Variants in MXD1 observed in about 807,000 individuals in gnomAD.
MXD1 encodes MAX dimerization protein 1.
A neutral mutation model predicts 25.7 loss-of-function variants in MXD1; 9 were observed. The ratio of observed to expected loss-of-function variants is 0.35; its 90% CI spans 0.21 to 0.61. The LOEUF is 0.61. Among genes scored for constraint, MXD1 ranks in the 20% least tolerant of loss-of-function variants. MXD1 has a pLI of 0.75. For missense variants in MXD1, 227 were observed against 292.4 expected (o/e 0.78, Z 1.63); for synonymous variants, 99 against 113.9 (o/e 0.87, Z 0.83).
intron 2 of MXD1, among the ~76,000 whole-genome samples, chr2:69,919,983 A>T (rs938487870): frequency 1.5e-4 from 23 of 150,498 alleles, no homozygotes; most frequent in Non-Finnish European, 2.7e-4. Context: ...ACCATTTTAA[A>T]GTTTTGTTTT....
At chr2:69,920,831 C>T (rs1406532687) in intron 2 of MXD1, among the ~76,000 whole-genome samples, 1 of 152,126 alleles carries the variant, frequency 6.6e-6, no homozygotes, top group Non-Finnish European at 1.5e-5. Flanking sequence ...ACTAAAGGGG[C>T]CACATTGACT....
chr2:69,935,040 C>T (rs1677388303), intron 3 of MXD1, among the ~76,000 whole-genome samples: 2 of 152,158 alleles, frequency 1.3e-5, no homozygotes, highest in East Asian at 1.9e-4. Context: ...TAAGTTGAAC[C>T]ATCATGAGTC....
chr2:69,936,295 A>T (rs1292865961), intron 4 of MXD1, among the ~76,000 whole-genome samples: 1 of 151,916 alleles, frequency 6.6e-6, no homozygotes, highest in Non-Finnish European at 1.5e-5. Flanking sequence ...GGTTTGTGTG[A>T]CCATTGTGTT....
At chr2:69,922,913 A>C (rs1677094201) in intron 3 of MXD1, among the ~76,000 whole-genome samples, 1 of 151,106 alleles carries the variant, frequency 6.6e-6, no homozygotes, top group South Asian at 2.1e-4. Context: ...TGACTAATGT[A>C]ATCAACTCCT....
At chr2:69,935,314 G>A in intron 3 of MXD1, 37 bp from the exon 4 acceptor site, 1 of 1,505,276 alleles carries the variant, frequency 6.6e-7, no homozygotes, top group African/African-American at 1.4e-5. Flanking sequence ...GGCCCACTGT[G>A]AAACTCTCAA....
chr2:69,925,615 C>T (rs1475764032), intron 3 of MXD1, among the ~76,000 whole-genome samples: 1 of 152,074 alleles, frequency 6.6e-6, no homozygotes, highest in Non-Finnish European at 1.5e-5. Flanking sequence ...CAGTTATAAA[C>T]ATTTTCCAAT....
intron 3 of MXD1, among the ~76,000 whole-genome samples, chr2:69,925,325 AT>A (rs1214622405): frequency 1.4e-4 from 21 of 152,118 alleles, no homozygotes; most frequent in African/African-American, 4.8e-4. Context: ...AATATAGAAA[AT>A]AATACTAAAA....
intron 5 of MXD1, 60 bp downstream of exon 5, chr2:69,937,454 TTCAGTAC>T: frequency 1.0e-6 from 1 of 962,562 alleles, no homozygotes; most frequent in Non-Finnish European, 1.5e-6. Flanking sequence ...AGAGCAGGGG[TTCAGTAC>T]TGCGGACAGG....
At position 69,940,907 on chromosome 2, in the gene MXD1, GATTCGCCA is replaced by G. The variant is rs1372943168; in HGVS notation, c.*2627_*2634del. ...CCCCGTGCGGCTGATCGGCAGCCCTGATTCGCCAATTTGTCCTCTCTCATTCACTGATC... is the reference window on the plus strand; with the variant it reads ...CCCCGTGCGGCTGATCGGCAGCCCTGATTTGTCCTCTCTCATTCACTGATC... On this transcript the variant is annotated 3_prime_UTR_variant, in exon 6 of 6. Coordinates refer to ENST00000264444, the MANE Select transcript of MXD1 (RefSeq NM_002357.4). The G allele has an allele frequency of 6.5e-6, 1 of 152,680 alleles. No individual in the cohort carries two copies. Among genetic ancestry groups the G allele is most frequent in the Non-Finnish European group, 1.5e-5 (1 of 68,070 alleles). 9.5% of individuals were successfully genotyped at this position (152,680 alleles called of 1,614,324 possible).
At chr2:69,932,605 G>T (rs954454674) in intron 3 of MXD1, among the ~76,000 whole-genome samples, 2 of 152,194 alleles carry the variant, frequency 1.3e-5, no homozygotes, top group African/African-American at 2.4e-5. Context: ...GTCTCAGCTG[G>T]AATTAGTCAA....
chr2:69,932,470 C>A (rs981847837), intron 3 of MXD1, among the ~76,000 whole-genome samples: 2 of 152,124 alleles, frequency 1.3e-5, no homozygotes, highest in Non-Finnish European at 2.9e-5. Context: ...AGTGAGGCGC[C>A]GGAGAAGGCC....
At chr2:69,929,056 G>A (rs1050281616) in intron 3 of MXD1, among the ~76,000 whole-genome samples, 2 of 152,124 alleles carry the variant, frequency 1.3e-5, no homozygotes, top group Non-Finnish European at 2.9e-5. Context: ...ACCGCACCTG[G>A]CTAATTTTTG....
chr2:69,921,659 A>T, intron 2 of MXD1, 77 bp from the exon 3 acceptor site: 1 of 1,349,358 alleles, frequency 7.4e-7, no homozygotes, highest in Non-Finnish European at 1.0e-6. Context: ...GAAAGAAGTT[A>T]AAAGAATTGT....
intron 5 of MXD1, among the ~76,000 whole-genome samples, chr2:69,937,638 G>T (rs932997542): frequency 1.3e-5 from 2 of 152,070 alleles, no homozygotes; most frequent in Non-Finnish European, 2.9e-5. Flanking sequence ...GTTTTGAGAC[G>T]GAATCTTGCT....
At chr2:69,937,816 A>G (rs974501811) in intron 5 of MXD1, among the ~76,000 whole-genome samples, 1 of 152,064 alleles carries the variant, frequency 6.6e-6, no homozygotes, top group Non-Finnish European at 1.5e-5. Flanking sequence ...GTTTCACCAT[A>G]TTGGCCAGGC....
Position 69,937,219 on chromosome 2 carries a change from C to T in MXD1, c.319-16C>T, listed in dbSNP as rs78530800. ...ATCTCCCTGTGGGGCCCAACAACTA[C>T]CCCTTTGACTTGCAGAAACTTGAAG... On this transcript the variant is annotated splice_polypyrimidine_tract_variant and intron_variant, in intron 4 of 5. Coordinates refer to ENST00000264444, the MANE Select transcript of MXD1 (RefSeq NM_002357.4). 6.4e-5 allele frequency: 103 copies of T among 1,611,960 alleles called. No individual in the cohort carries two copies. The African/African-American group carries it at 1.3e-3, about 20-fold the overall frequency.
intron 4 of MXD1, 139 bp downstream of exon 4, chr2:69,935,604 C>G (rs575750598): frequency 1.5e-6 from 1 of 649,662 alleles, no homozygotes; most frequent in Admixed American, 2.3e-5. Context: ...TCAAATGCAA[C>G]ATATTCAAAA....
At chr2:69,936,929 G>T in intron 4 of MXD1, 1 of 520,458 alleles carries the variant, frequency 1.9e-6, no homozygotes. Context: ...ATCAGGTTGG[G>T]GACTGCTGCC....
Position 69,915,685 on chromosome 2 carries a change from C to G in MXD1, c.73+282C>G, listed in dbSNP as rs1676948751. The stretch of plus-strand genomic sequence containing the variant: ...TGGCCGGGGCCCCCTCCGATAGCCT[C>G]CCTGGTTTACCTCACCCGGGCTGGT... On this transcript the variant is annotated intron_variant, in intron 1 of 5. Transcript: ENST00000264444. This position sits in a 1 kb window ranked among gnomAD's most constrained non-coding sequence, Gnocchi z 5.8. Among the ~76,000 whole-genome samples, 1 of 152,228 alleles carries G rather than the reference C, an allele frequency of 6.6e-6. No individual in the cohort carries two copies. Among genetic ancestry groups the G allele is most frequent in the South Asian group, 2.1e-4 (1 of 4,832 alleles).
Sources: allele counts gnomAD v4.1 joint callset (sites outside exome capture counted in the v4.1 genomes callset), GRCh38; gene constraint gnomAD v4.1.1; non-coding constraint Gnocchi (gnomAD v3.1); transcripts MANE v1.5; gene names NCBI Gene and HGNC (gene_info 2026-07-23, HGNC 2026-07-21).